Variants in ZNF385D observed in about 807,000 individuals in gnomAD.
ZNF385D encodes zinc finger protein 659.
A neutral mutation model predicts 35.8 loss-of-function variants in ZNF385D; 15 were observed. The ratio of observed to expected loss-of-function variants is 0.42; its 90% CI spans 0.28 to 0.64. The LOEUF is 0.64. ZNF385D is among the 30% of genes least tolerant of loss of function. ZNF385D has a pLI of 0.23. For synonymous variants in ZNF385D, 212 were observed against 186.8 expected (o/e 1.13, Z -1.10); for missense variants, 474 against 494.6 (o/e 0.96, Z 0.39).
At chr3:21,607,556 C>A (rs1240960584) in intron 2 of ZNF385D, among the ~76,000 whole-genome samples, 2 of 152,172 alleles carry the variant, frequency 1.3e-5, no homozygotes, top group African/African-American at 4.8e-5. Context: ...CCAATCATTT[C>A]TTTCCAGTCC....
chr3:21,652,157 G>T (rs943692887), intron 2 of ZNF385D, among the ~76,000 whole-genome samples: 3 of 152,220 alleles, frequency 2.0e-5, no homozygotes, highest in East Asian at 3.9e-4. Flanking sequence ...TCAGGAGTAG[G>T]TTGCCAATCT....
At chr3:22,362,943 A>G (rs1423776248) in intron 2 of ZNF385D, among the ~76,000 whole-genome samples, 2 of 152,132 alleles carry the variant, frequency 1.3e-5, no homozygotes, top group African/African-American at 2.4e-5. Context: ...AGAAAGAGTA[A>G]TAAAACAAAA....
intron 2 of ZNF385D, among the ~76,000 whole-genome samples, chr3:22,217,793 G>A (rs141747914): frequency 1.2e-3 from 188 of 152,234 alleles, no homozygotes; most frequent in African/African-American, 4.3e-3. Context: ...GCTAACTTAT[G>A]TGTGGAGATG....
chr3:21,916,843 A>G (rs562267815), intron 3 of ZNF385D, among the ~76,000 whole-genome samples: 1 of 152,310 alleles, frequency 6.6e-6, no homozygotes, highest in Admixed American at 6.5e-5. Context: ...TTTTGTGTGT[A>G]AAAGGAAACT....
chr3:22,212,944 A>G (rs561139950), intron 2 of ZNF385D, among the ~76,000 whole-genome samples: 2 of 152,186 alleles, frequency 1.3e-5, no homozygotes, highest in South Asian at 2.1e-4. Context: ...GTATTAATTT[A>G]GAACCAATAG....
At chr3:22,288,863 G>C (rs976253423) in intron 2 of ZNF385D, among the ~76,000 whole-genome samples, 17 of 152,088 alleles carry the variant, frequency 1.1e-4, no homozygotes, top group Non-Finnish European at 2.2e-4. Flanking sequence ...TGTAAAAGAA[G>C]AACCTCACCA....
At chr3:22,213,520 T>C (rs1697659476) in intron 2 of ZNF385D, among the ~76,000 whole-genome samples, 2 of 152,204 alleles carry the variant, frequency 1.3e-5, no homozygotes, top group South Asian at 2.1e-4. Context: ...TATTAGTTTA[T>C]GTCCTATCAC....
intron 3 of ZNF385D, among the ~76,000 whole-genome samples, chr3:21,540,471 C>G (rs928872322): frequency 6.6e-6 from 1 of 152,120 alleles, no homozygotes; most frequent in African/African-American, 2.4e-5. Flanking sequence ...CAGCTGTAAT[C>G]AAGAGTGATT....
chr3:22,188,732 G>A (rs1695815276), intron 2 of ZNF385D, among the ~76,000 whole-genome samples: 1 of 152,192 alleles, frequency 6.6e-6, no homozygotes, highest in African/African-American at 2.4e-5. Flanking sequence ...TTACAGGCAT[G>A]AGCCACCGCG....
At chr3:22,100,901 G>T (rs73043519) in intron 3 of ZNF385D, among the ~76,000 whole-genome samples, 1 of 151,624 alleles carries the variant, frequency 6.6e-6, no homozygotes, top group Non-Finnish European at 1.5e-5. Context: ...AAGACTTCCA[G>T]GGTTGTGCTA....
chr3:22,014,717 TAAGA>T (rs1228250406), intron 3 of ZNF385D, among the ~76,000 whole-genome samples: 4 of 152,048 alleles, frequency 2.6e-5, no homozygotes, highest in East Asian at 3.9e-4. Context: ...ATACAAGAAA[TAAGA>T]AAGTGCAAAC....
intron 3 of ZNF385D, among the ~76,000 whole-genome samples, chr3:21,900,643 G>C (rs1034581295): frequency 3.9e-5 from 6 of 152,058 alleles, no homozygotes; most frequent in Non-Finnish European, 7.4e-5. Context: ...CTATAGTATG[G>C]ACTTAAACCA....
At chr3:21,529,167 C>A (rs753619222) in intron 3 of ZNF385D, among the ~76,000 whole-genome samples, 62 of 152,078 alleles carry the variant, frequency 4.1e-4, no homozygotes, top group Non-Finnish European at 6.5e-4. Flanking sequence ...TAACTAGTTT[C>A]TCAAATGTTC....
At chr3:22,316,714 T>A (rs749508791) in intron 2 of ZNF385D, among the ~76,000 whole-genome samples, 1 of 152,206 alleles carries the variant, frequency 6.6e-6, no homozygotes, top group African/African-American at 2.4e-5. Context: ...CAGAGTTATA[T>A]TGATAATCAA....
chr3:21,814,554 T>G (rs1488052516), intron 3 of ZNF385D, among the ~76,000 whole-genome samples: 1 of 152,028 alleles, frequency 6.6e-6, no homozygotes. Flanking sequence ...TAAAACAGAC[T>G]TTAAACCAAC....
At chr3:21,948,571 G>A (rs536133) in intron 3 of ZNF385D, among the ~76,000 whole-genome samples, 39,835 of 151,866 alleles carry the variant, frequency 0.26, 5,959 homozygotes, top group Admixed American at 0.41. Flanking sequence ...TGCCATTTTC[G>A]TTGTGAAAAA....
chr3:21,470,840 GC>G (rs1380985303), intron 4 of ZNF385D, among the ~76,000 whole-genome samples: 1 of 151,996 alleles, frequency 6.6e-6, no homozygotes, highest in Non-Finnish European at 1.5e-5. Context: ...CCAGCTTTCA[GC>G]CACAATGGGC....
chr3:21,496,968 A>T (rs1705947376), intron 4 of ZNF385D, among the ~76,000 whole-genome samples: 1 of 152,124 alleles, frequency 6.6e-6, no homozygotes, highest in Admixed American at 6.6e-5. Context: ...AAGCTGGAAG[A>T]ATTACCCTTG....
chr3:22,062,116 C>A (rs1282157323), intron 3 of ZNF385D, among the ~76,000 whole-genome samples: 1 of 152,154 alleles, frequency 6.6e-6, no homozygotes. Context: ...TGCCTCCCTG[C>A]AGCCTCGACC....
Sources: allele counts gnomAD v4.1 joint callset (sites outside exome capture counted in the v4.1 genomes callset), GRCh38; gene constraint gnomAD v4.1.1; transcripts MANE v1.5; gene names NCBI Gene and HGNC (gene_info 2026-07-23, HGNC 2026-07-21).